The following C4orf50 variants were observed in gnomAD, a reference collection of about 807,000 sequenced individuals.
C4orf50 encodes the protein uncharacterized protein C4orf50.
Under a neutral mutation model 77.2 loss-of-function variants are expected in C4orf50, and 80 were observed. That is an observed-to-expected ratio of 1.04 (90% confidence interval 0.87 to 1.25). The LOEUF (loss-of-function observed/expected upper bound fraction) is 1.25, where lower values mean the gene tolerates loss of function less well. Among genes scored for constraint, C4orf50 ranks in the 50% most tolerant of loss-of-function variants. The pLI, the probability that C4orf50 is intolerant of heterozygous loss-of-function variation, is 0.00. For synonymous variants in C4orf50, 532 were observed against 465.3 expected, an observed-to-expected ratio of 1.14 and a Z score of -1.84; for missense variants, 1,257 against 1,152.9, an observed-to-expected ratio of 1.09 and a Z score of -1.31.
chr4:5,993,528 G>T (rs16838017), intron 26 of C4orf50, among the ~76,000 whole-genome samples: 12,485 of 152,258 alleles, frequency 0.082, 603 homozygotes, highest in African/African-American at 0.14. Flanking sequence ...TATGAGATAT[G>T]GGCTCAAGCC....
downstream of C4orf50, among the ~76,000 whole-genome samples, chr4:5,956,361 G>C (rs539740940): frequency 2.0e-5 from 3 of 152,162 alleles, no homozygotes; most frequent in East Asian, 5.8e-4. Flanking sequence ...ACTGCTCATT[G>C]GTCAGCCGCC....
chr4:5,951,716 C>T (rs1718731468), intron 7 of C4orf50, among the ~76,000 whole-genome samples: 1 of 152,110 alleles, frequency 6.6e-6, no homozygotes, highest in African/African-American at 2.4e-5. Flanking sequence ...CTGAAGTCTC[C>T]CTGCTCTACC....
rs567114134 is a variant in C4orf50 at position 5,944,702 on chromosome 4, G to A, written c.*2474+12199C>T. 4.4e-3 allele frequency among the ~76,000 whole-genome samples: 670 copies of A among 152,202 alleles called. 3 individuals are homozygous for A. The highest frequency in any genetic ancestry group is 0.029 in the South Asian group (142 of 4,818). On this transcript the variant is annotated intron_variant, in intron 7 of 7. Transcript: ENST00000324058. ...GAACCAGATGCACCCACGCCCTTAA[G>A]GAGCAGGCAGCCTGCTGGGAGACAG...
intron 29 of C4orf50, among the ~76,000 whole-genome samples, chr4:5,976,918 G>T (rs1265087525): frequency 1.3e-5 from 2 of 152,250 alleles, no homozygotes; most frequent in African/African-American, 4.8e-5. Flanking sequence ...TTGACTCATA[G>T]AATGCAGTGG....
intron 33 of C4orf50, among the ~76,000 whole-genome samples, 184 bp downstream of exon 11, chr4:5,964,840 T>C: frequency 6.7e-6 from 1 of 150,364 alleles, no homozygotes; most frequent in Non-Finnish European, 1.5e-5. Context: ...ACATTAAAAT[T>C]AGATCATAGA....
At chr4:5,904,632 A>G (rs944224069) in intron 7 of C4orf50, 4 of 152,192 alleles carry the variant, frequency 2.6e-5, no homozygotes, top group African/African-American at 9.7e-5. Context: ...ATTTCCGGAC[A>G]GAGTCCTTTC....
intron 23 of C4orf50, among the ~76,000 whole-genome samples, chr4:6,014,424 A>C (rs1039960302): frequency 6.6e-6 from 1 of 152,234 alleles, no homozygotes; most frequent in African/African-American, 2.4e-5. Flanking sequence ...GATGGGGAAT[A>C]AATATGCAAA....
At chr4:5,938,504 A>T (rs1225401782) in intron 7 of C4orf50, among the ~76,000 whole-genome samples, 1 of 152,196 alleles carries the variant, frequency 6.6e-6, no homozygotes, top group East Asian at 1.9e-4. Flanking sequence ...AGGATGGGGA[A>T]AGACAAGCCT....
At chr4:5,935,148 T>G (rs11945109) in intron 7 of C4orf50, among the ~76,000 whole-genome samples, 108,072 of 152,142 alleles carry the variant, frequency 0.71, 39,361 homozygotes, top group Non-Finnish European at 0.76. Flanking sequence ...GGAGGAGCAG[T>G]TCTCACAGGT....
At chr4:5,981,539 G>C (rs1720588752) in intron 28 of C4orf50, among the ~76,000 whole-genome samples, 1 of 151,758 alleles carries the variant, frequency 6.6e-6, no homozygotes, top group Admixed American at 6.6e-5. Flanking sequence ...CGAGTAGCTG[G>C]GATTGCAGAT....
intron 7 of C4orf50, among the ~76,000 whole-genome samples, chr4:5,920,979 G>A (rs1004154810): frequency 2.0e-5 from 3 of 150,660 alleles, no homozygotes; most frequent in African/African-American, 7.3e-5. Context: ...CAGGAGCAGT[G>A]GACAGTCACC....
At chr4:5,948,736 G>A (rs901388992) in intron 7 of C4orf50, among the ~76,000 whole-genome samples, 1 of 151,626 alleles carries the variant, frequency 6.6e-6, no homozygotes, top group Non-Finnish European at 1.5e-5. Context: ...AGAGGTTGCA[G>A]TGAGCTGAGA....
At chr4:5,946,197 C>A (rs1294739286) in intron 7 of C4orf50, among the ~76,000 whole-genome samples, 2 of 152,148 alleles carry the variant, frequency 1.3e-5, no homozygotes, top group Non-Finnish European at 2.9e-5. Flanking sequence ...CAGGACACAC[C>A]CTCTGCTTCC....
chr4:5,922,179 A>T lies in C4orf50; in HGVS notation c.*2475-23991T>A, dbSNP rs568553697. Among the ~76,000 whole-genome samples the T allele has an allele frequency of 1.3e-5, 2 of 152,284 alleles. 1 individual carries two copies. The highest frequency in any genetic ancestry group is 4.8e-5 in the African/African-American group (2 of 41,578). On this transcript the variant is annotated intron_variant, in intron 7 of 7. Transcript: ENST00000324058. ...TCAGAGCCCAGAGCACAGGGACCAC[A>T]TGCAGGGAAAGCTAATCCCAGAGTG...
rs1276712872 is a variant in C4orf50, at chr4:5,958,802, T to C, written c.*573A>G. 3 of 152,314 alleles carry C rather than the reference T, an allele frequency of 2.0e-5. No homozygotes were observed. Among genetic ancestry groups the C allele is most frequent in the Non-Finnish European group, 2.9e-5 (2 of 68,182 alleles). The allele number at this position is 152,314 out of a possible 1,614,324, so 9.4% of individuals were successfully genotyped here. A position where few individuals can be genotyped will look rare whatever the true frequency, so the allele number is the denominator to read the frequency against. On this transcript the variant is annotated 3_prime_UTR_variant, in exon 34 of 34. Transcript: ENST00000531445. This position sits in a 1 kb window ranked among gnomAD's most constrained non-coding sequence, Gnocchi z 5.4. The stretch of plus-strand genomic sequence containing the variant: ...GGCGTTTCACTTAGTAGACAAAAAA[T>C]CTTTTAAAACATGGGAAGGACCCCG...
At chr4:5,961,394 A>G (rs1439027192) in intron 33 of C4orf50, among the ~76,000 whole-genome samples, 2 of 152,228 alleles carry the variant, frequency 1.3e-5, no homozygotes, top group Admixed American at 6.5e-5. Context: ...AGAGTAGTAT[A>G]ATATTGGCAG....
chr4:5,986,727 T>TG (rs1720884655), intron 28 of C4orf50, among the ~76,000 whole-genome samples: 1 of 151,918 alleles, frequency 6.6e-6, no homozygotes, highest in Non-Finnish European at 1.5e-5. Flanking sequence ...TTAGTAGAGA[T>TG]GGGGTTTCAC....
chr4:5,933,693 T>C (rs142278293), intron 7 of C4orf50, among the ~76,000 whole-genome samples: 133 of 152,332 alleles, frequency 8.7e-4, no homozygotes, highest in African/African-American at 3.1e-3. Flanking sequence ...CGTGCCTCCC[T>C]GCGGAGCTCG....
chr4:5,959,494 C>T (rs754719292), exon 34 of C4orf50: 22 of 1,614,140 alleles, frequency 1.4e-5, no homozygotes, highest in South Asian at 3.3e-5. Flanking sequence ...GGTGCTGGGA[C>T]GTTATCGACT....
Sources: allele counts gnomAD v4.1 joint callset (sites outside exome capture counted in the v4.1 genomes callset), GRCh38; gene constraint gnomAD v4.1.1; non-coding constraint Gnocchi (gnomAD v3.1); transcripts MANE v1.5; gene names NCBI Gene and HGNC (gene_info 2026-07-23, HGNC 2026-07-21).